DNMBP: variants seen among roughly 807,000 people sequenced by gnomAD.
DNMBP encodes the protein dynamin binding protein.
A neutral mutation model predicts 150.0 loss-of-function variants in DNMBP; 87 were observed. The observed-to-expected ratio is 0.58, with a 90% confidence interval of 0.49 to 0.69. The LOEUF (loss-of-function observed/expected upper bound fraction) is 0.69. Ranked by LOEUF, DNMBP falls within the 30% of genes least tolerant of loss-of-function variation. The pLI is 0.00. For missense variants in DNMBP, 1,774 were observed against 1,949.0 expected (o/e 0.91, Z 1.69); for synonymous variants, 711 against 750.4 (o/e 0.95, Z 0.86).
At chr10:99,939,464 T>C (rs2040270235) in intron 4 of DNMBP, among the ~76,000 whole-genome samples, 1 of 152,234 alleles carries the variant, frequency 6.6e-6, no homozygotes, top group African/African-American at 2.4e-5. Context: ...ATTATAACAG[T>C]GAGAAAATTA....
intron 1 of DNMBP, among the ~76,000 whole-genome samples, chr10:100,006,853 C>A (rs1015414242): frequency 1.3e-5 from 2 of 152,198 alleles, no homozygotes; most frequent in Non-Finnish European, 2.9e-5. Context: ...GTGGCCCATG[C>A]CTGTAATCCC....
chr10:99,951,194 G>A (rs2133321641), intron 4 of DNMBP, among the ~76,000 whole-genome samples: 1 of 152,362 alleles, frequency 6.6e-6, no homozygotes, highest in South Asian at 2.1e-4. Flanking sequence ...CGGGTGCACA[G>A]AAGAACTGAG....
intron 1 of DNMBP, among the ~76,000 whole-genome samples, chr10:100,002,141 C>T (rs1245203671): frequency 1.3e-5 from 2 of 152,072 alleles, no homozygotes; most frequent in Non-Finnish European, 2.9e-5. Context: ...ATGTTAAGTG[C>T]CCTCTCCTCC....
intron 4 of DNMBP, among the ~76,000 whole-genome samples, chr10:99,950,960 G>C (rs2133321163): frequency 6.6e-6 from 1 of 152,360 alleles, no homozygotes; most frequent in South Asian, 2.1e-4. Flanking sequence ...CATGTCAGAG[G>C]TCTTCACGGC....
At chr10:99,891,174 CT>C (rs1564718884) in intron 11 of DNMBP, among the ~76,000 whole-genome samples, 1 of 147,354 alleles carries the variant, frequency 6.8e-6, no homozygotes, top group Non-Finnish European at 1.5e-5. Flanking sequence ...CCCCCTCTCC[CT>C]CCCCCTCTCC....
At chr10:99,952,525 T>C (rs1319234408) in intron 4 of DNMBP, among the ~76,000 whole-genome samples, 1 of 152,150 alleles carries the variant, frequency 6.6e-6, no homozygotes, top group Non-Finnish European at 1.5e-5. Flanking sequence ...AGCTTGAGGG[T>C]AAATGCTCCT....
chr10:99,923,107 A>C (rs1333947907), intron 4 of DNMBP, among the ~76,000 whole-genome samples: 1 of 152,050 alleles, frequency 6.6e-6, no homozygotes, highest in Non-Finnish European at 1.5e-5. Flanking sequence ...TACAAAAATT[A>C]GGGCCAGGTG....
chr10:99,942,005 C>G (rs1017023001), intron 4 of DNMBP, among the ~76,000 whole-genome samples: 16 of 152,122 alleles, frequency 1.1e-4, no homozygotes, highest in African/African-American at 3.6e-4. Flanking sequence ...TCATATTATT[C>G]CCCTGCTCAA....
At chr10:99,881,496 T>C (rs2039367127) in intron 15 of DNMBP, among the ~76,000 whole-genome samples, 1 of 152,224 alleles carries the variant, frequency 6.6e-6, no homozygotes, top group African/African-American at 2.4e-5. Flanking sequence ...TTCATAACAC[T>C]GTCAAGGCAC....
intron 4 of DNMBP, chr10:99,930,093 C>T (rs2040131554): frequency 1.4e-6 from 1 of 702,782 alleles, no homozygotes; most frequent in African/African-American, 1.7e-5. Flanking sequence ...TTCATTGACA[C>T]CATTCGAATC....
At chr10:99,893,807 TG>T (rs557437016) in intron 11 of DNMBP, among the ~76,000 whole-genome samples, 10 of 152,258 alleles carry the variant, frequency 6.6e-5, no homozygotes, top group South Asian at 4.1e-4. Context: ...AAGATGCTAG[TG>T]TATCTCCCAC....
At chr10:99,950,745 C>T (rs1460718462) in intron 4 of DNMBP, among the ~76,000 whole-genome samples, 1 of 152,146 alleles carries the variant, frequency 6.6e-6, no homozygotes, top group Non-Finnish European at 1.5e-5. Context: ...AGCAGCAAAG[C>T]ATGCAAGAGG....
At chr10:99,918,868 G>T (rs562943779) in intron 4 of DNMBP, among the ~76,000 whole-genome samples, 17 of 152,222 alleles carry the variant, frequency 1.1e-4, no homozygotes, top group South Asian at 6.2e-4. Context: ...ATCCTAGCAT[G>T]GTATGCTGAT....
At chr10:99,935,495 T>A in intron 4 of DNMBP, among the ~76,000 whole-genome samples, 1 of 152,250 alleles carries the variant, frequency 6.6e-6, no homozygotes, top group Middle Eastern at 3.4e-3. Context: ...CAAGCAGTCT[T>A]CCCACCTCAG....
intron 12 of DNMBP, among the ~76,000 whole-genome samples, 170 bp from the exon 13 acceptor site, chr10:99,886,802 G>T (rs2039474695): frequency 6.6e-6 from 1 of 151,976 alleles, no homozygotes; most frequent in African/African-American, 2.4e-5. Context: ...CCCATCACTA[G>T]CCTCTACTTA....
intron 4 of DNMBP, among the ~76,000 whole-genome samples, chr10:99,910,115 A>C (rs1317532423): frequency 6.6e-6 from 1 of 152,386 alleles, no homozygotes; most frequent in Non-Finnish European, 1.5e-5. Context: ...AGTAAGTCTG[A>C]GTACAATTAC....
Position 99,957,207 on chromosome 10 carries a change from TA to T in DNMBP, c.269-3del. 6.3e-7 allele frequency: 1 copy of T among 1,598,972 alleles called. No homozygotes were observed. The highest frequency in any genetic ancestry group is 8.5e-7 in the Non-Finnish European group (1 of 1,178,346). ...TGCCATCGAGAATCACCAGGTCACCTAAAGAAAAGAGGAGCAGAGATGGTGA... is the reference window on the plus strand; with the variant it reads ...TGCCATCGAGAATCACCAGGTCACCTAAGAAAAGAGGAGCAGAGATGGTGA... On this transcript the variant is annotated splice_polypyrimidine_tract_variant and splice_region_variant and intron_variant, in intron 3 of 16. Coordinates refer to ENST00000324109, the MANE Select transcript of DNMBP (RefSeq NM_015221.4).
rs1254778427 is a variant in DNMBP at position 99,877,123 on chromosome 10, G to A, written c.*28C>T. The stretch of plus-strand genomic sequence containing the variant: ...CCTCGGCGGACTGAAAGCAAAGGCA[G>A]CAAGGCTGGGTGGCAGGCAACGTGG... On this transcript the variant is annotated 3_prime_UTR_variant, in exon 17 of 17. Transcript: ENST00000324109. The A allele has an allele frequency of 3.2e-6, 5 of 1,584,480 alleles. No homozygotes were observed. The highest frequency in any genetic ancestry group is 2.7e-5 in the African/African-American group (2 of 73,908).
At chr10:99,880,428 T>C (rs2039349462) in intron 15 of DNMBP, 67 bp from the exon 16 acceptor site, 2 of 1,447,306 alleles carry the variant, frequency 1.4e-6, no homozygotes, top group Non-Finnish European at 1.8e-6. Flanking sequence ...GAGGGAGCAT[T>C]GAGAGAAAAA....
Sources: gnomAD v4.1 joint callset for allele counts (sites outside exome capture counted in the v4.1 genomes callset) on GRCh38, gnomAD v4.1.1 for gene constraint, MANE v1.5 for transcripts, NCBI Gene and HGNC (gene_info 2026-07-23, HGNC 2026-07-21) for gene names.